MIS18BP1: variants seen among roughly 807,000 people sequenced by gnomAD.
The protein encoded by MIS18BP1 is MIS18 binding protein 1.
MIS18BP1 carries 72 observed loss-of-function variants against 116.1 expected under a neutral mutation model. The ratio of observed to expected loss-of-function variants is 0.62; its 90% confidence interval spans 0.51 to 0.75. The LOEUF is 0.75. Ranked by LOEUF, MIS18BP1 falls within the 30% of genes least tolerant of loss-of-function variation. The pLI is 0.00. For synonymous variants in MIS18BP1, 386 were observed against 427.0 expected (o/e 0.90, Z 1.18); for missense variants, 1,363 against 1,303.2 (o/e 1.05, Z -0.71).
At chr14:45,247,809 A>T (rs970222009) in intron 1 of MIS18BP1, among the ~76,000 whole-genome samples, 27 of 152,198 alleles carry the variant, frequency 1.8e-4, no homozygotes, top group African/African-American at 6.5e-4. Context: ...TTAGGCAGTT[A>T]AATTTTAAGG....
chr14:45,229,264 G>C (rs909930438), intron 8 of MIS18BP1, among the ~76,000 whole-genome samples: 1 of 152,062 alleles, frequency 6.6e-6, no homozygotes, highest in Non-Finnish European at 1.5e-5. Context: ...CCAGCACTTT[G>C]GGAGGCCAAG....
chr14:45,232,919 G>A (rs1891329252), intron 6 of MIS18BP1, 99 bp from the exon 7 acceptor site: 4 of 633,784 alleles, frequency 6.3e-6, no homozygotes, highest in Non-Finnish European at 1.1e-5. Context: ...TGCACCTATT[G>A]CTTAATATGT....
intron 13 of MIS18BP1, 137 bp from the exon 14 acceptor site, chr14:45,210,665 AGAG>A: frequency 1.0e-6 from 1 of 960,340 alleles, no homozygotes; most frequent in East Asian, 2.5e-5. Context: ...AGTAGTACGT[AGAG>A]GAGTAGAGGC....
At chr14:45,228,191 CCT>C (rs1253620501) in intron 8 of MIS18BP1, among the ~76,000 whole-genome samples, 1 of 152,088 alleles carries the variant, frequency 6.6e-6, no homozygotes, top group Non-Finnish European at 1.5e-5. Context: ...CTGTCTAATC[CCT>C]CTGTCATAAA....
intron 4 of MIS18BP1, among the ~76,000 whole-genome samples, chr14:45,241,144 A>C (rs1891564351): frequency 6.6e-6 from 1 of 152,194 alleles, no homozygotes; most frequent in Admixed American, 6.5e-5. Flanking sequence ...GAATTTATAC[A>C]TGATCTCAAC....
intron 7 of MIS18BP1, chr14:45,232,416 C>CAAA (rs532665472): frequency 9.3e-3 from 848 of 91,554 alleles, no homozygotes; most frequent in South Asian, 0.014. Context: ...GATTCCATCT[C>CAAA]AAAAAAAAAA....
intron 15 of MIS18BP1, among the ~76,000 whole-genome samples, chr14:45,205,482 A>G (rs1262203146): frequency 2.0e-5 from 3 of 152,144 alleles, no homozygotes; most frequent in African/African-American, 7.2e-5. Flanking sequence ...TTAAAATCAG[A>G]AAATTAAAAA....
At chr14:45,209,789 T>C (rs1047439918) in intron 14 of MIS18BP1, among the ~76,000 whole-genome samples, 1 of 152,278 alleles carries the variant, frequency 6.6e-6, no homozygotes, top group Non-Finnish European at 1.5e-5. Context: ...ATAATTTTGA[T>C]ACTTACAAAT....
intron 6 of MIS18BP1, 86 bp downstream of exon 6, chr14:45,235,728 A>C (rs1274158627): frequency 6.9e-6 from 8 of 1,153,888 alleles, no homozygotes; most frequent in Non-Finnish European, 9.4e-6. Flanking sequence ...ACCTAATTAA[A>C]AGTTAAAAAA....
intron 13 of MIS18BP1, among the ~76,000 whole-genome samples, chr14:45,216,353 A>G (rs1438035144): frequency 1.3e-5 from 2 of 152,150 alleles, no homozygotes; most frequent in Non-Finnish European, 2.9e-5. Context: ...GGATATTTTA[A>G]CTTATTTTTT....
chr14:45,218,971 A>G (rs1480067811), intron 11 of MIS18BP1, among the ~76,000 whole-genome samples: 1 of 151,766 alleles, frequency 6.6e-6, no homozygotes. Flanking sequence ...ATTAAGGAAA[A>G]TGAAAATTGA....
chr14:45,229,284 C>A (rs991441697), intron 8 of MIS18BP1, among the ~76,000 whole-genome samples: 8 of 151,944 alleles, frequency 5.3e-5, no homozygotes, highest in East Asian at 1.9e-4. Context: ...GGTGGGAGGA[C>A]TGCTTGAGGC....
chr14:45,231,348 C>A (rs199509471), intron 7 of MIS18BP1, 50 bp from the exon 8 acceptor site: 1 of 1,453,644 alleles, frequency 6.9e-7, no homozygotes, highest in Admixed American at 2.3e-5. Flanking sequence ...CTCAAAAAAA[C>A]AAAACAAAAA....
intron 4 of MIS18BP1, among the ~76,000 whole-genome samples, chr14:45,240,313 C>T (rs1891540445): frequency 6.6e-6 from 1 of 152,064 alleles, no homozygotes; most frequent in African/African-American, 2.4e-5. Context: ...AAATCAGGAA[C>T]GATCCTGGAA....
chr14:45,215,993 C>A (rs957253874), intron 13 of MIS18BP1, among the ~76,000 whole-genome samples: 1 of 151,952 alleles, frequency 6.6e-6, no homozygotes, highest in Non-Finnish European at 1.5e-5. Flanking sequence ...TGTGAGCCAC[C>A]GCACCTGTCC....
At chr14:45,213,663 C>G (rs1890736555) in intron 13 of MIS18BP1, among the ~76,000 whole-genome samples, 1 of 152,128 alleles carries the variant, frequency 6.6e-6, no homozygotes, top group Admixed American at 6.6e-5. Context: ...CAAAACAAAA[C>G]TCTAATTCAC....
At chr14:45,226,194 G>A (rs867989172) in intron 10 of MIS18BP1, among the ~76,000 whole-genome samples, 29 of 152,088 alleles carry the variant, frequency 1.9e-4, no homozygotes, top group South Asian at 4.2e-4. Flanking sequence ...ATATGAACTC[G>A]GAAGTATAAG....
chr14:45,232,657 T>C (rs1171304725), intron 7 of MIS18BP1, 76 bp downstream of exon 7: 2 of 819,876 alleles, frequency 2.4e-6, no homozygotes, highest in Non-Finnish European at 2.0e-6. Flanking sequence ...TAGCTGGACA[T>C]GGTGGCACAC....
Position 45,242,166 on chromosome 14 carries a change from T to C in MIS18BP1, c.1011A>G (p.Lys337=). 6.2e-7 allele frequency: 1 copy of C among 1,614,130 alleles called. No individual in the cohort carries two copies. ...TTGCAAGTACAATTTTACATGTATC[T>C]TTCATGGAACCTGGAAGACCTGTCT... ...PGETGLPGSM[K]DTCKIVLATP... Residue 337 remains lysine (K), a synonymous_variant, in exon 4 of 17, where the codon AAA becomes AAG. Coordinates refer to ENST00000310806, the MANE Select transcript of MIS18BP1 (RefSeq NM_018353.5).
Sources: allele counts gnomAD v4.1 joint callset (sites outside exome capture counted in the v4.1 genomes callset), GRCh38; gene constraint gnomAD v4.1.1; transcripts MANE v1.5; gene names NCBI Gene and HGNC (gene_info 2026-07-23, HGNC 2026-07-21).